The following SGF29 variants were observed in gnomAD, a reference collection of about 807,000 sequenced individuals.
The protein encoded by SGF29 is SAGA complex associated factor 29.
A neutral mutation model predicts 38.1 loss-of-function variants in SGF29; 15 were observed. The observed-to-expected ratio is 0.39, with a 90% CI of 0.26 to 0.61. The LOEUF is 0.61. Ranked by LOEUF, SGF29 falls within the 20% of genes least tolerant of loss-of-function variation. The pLI is 0.49. For synonymous variants in SGF29, 151 were observed against 160.8 expected (o/e 0.94, Z 0.46); for missense variants, 184 against 394.6 (o/e 0.47, Z 4.52).
chr16:28,581,675 ACAGGCACACACCAC>A (rs1177159473), intron 2 of SGF29, among the ~76,000 whole-genome samples: 2 of 151,964 alleles, frequency 1.3e-5, no homozygotes, highest in African/African-American at 4.8e-5. Context: ...AGCTGGGATT[ACAGGCACACACCAC>A]CATGTCCGGC....
In SGF29 at chr16:28,564,766, T is replaced by C. The variant is rs1363957659; in HGVS notation, c.-16+10669T>C. On this transcript the variant is annotated intron_variant, in intron 1 of 9. Coordinates refer to ENST00000317058, the MANE Select transcript of SGF29 (RefSeq NM_138414.3). ...ATATGTATATATATGTATATATGTA[T>C]ATATATGTATATATATATATACACA... is the stretch of plus-strand genomic sequence containing the variant. Among the ~76,000 whole-genome samples the C allele has an allele frequency of 6.7e-5, 4 of 59,794 alleles. 1 individual carries two copies. Among genetic ancestry groups the C allele is most frequent in the South Asian group, 8.3e-4 (2 of 2,412 alleles). The allele number at this position is 59,794 out of a possible 152,430, so 39.2% of individuals were successfully genotyped here.
chr16:28,572,964 C>T (rs1287337641), intron 1 of SGF29, among the ~76,000 whole-genome samples: 3 of 152,130 alleles, frequency 2.0e-5, no homozygotes, highest in Non-Finnish European at 2.9e-5. Context: ...GCTCGCTGGC[C>T]TCCCAGCTGT....
At chr16:28,583,351 T>C (rs992181621) in intron 2 of SGF29, among the ~76,000 whole-genome samples, 2 of 152,346 alleles carry the variant, frequency 1.3e-5, no homozygotes, top group African/African-American at 4.8e-5. Flanking sequence ...CTGGTCCAGA[T>C]TGCAGCGGCA....
rs2046827735 is a variant in SGF29, at chr16:28,564,943, C to G, written c.-16+10846C>G. On this transcript the variant is annotated intron_variant, in intron 1 of 9. Coordinates refer to ENST00000317058, the MANE Select transcript of SGF29 (RefSeq NM_138414.3). ...GCATAATTCAGTCCAAGTCTGCCAG[C>G]CTTAAAACCAGGGAAGCCAGCAGTG... 2.0e-5 allele frequency among the ~76,000 whole-genome samples: 3 copies of G among 151,268 alleles called. No homozygotes were observed. In the South Asian group the frequency reaches 6.2e-4, roughly 31 times the overall value.
chr16:28,554,341 A>G (rs1308148641), intron 1 of SGF29, among the ~76,000 whole-genome samples: 1 of 152,018 alleles, frequency 6.6e-6, no homozygotes, highest in East Asian at 1.9e-4. Context: ...GCGTGCTTCC[A>G]TCCCCGGCGA....
At chr16:28,571,250 A>C (rs145626222) in intron 1 of SGF29, among the ~76,000 whole-genome samples, 2 of 152,242 alleles carry the variant, frequency 1.3e-5, no homozygotes, top group African/African-American at 4.8e-5. Flanking sequence ...TGCCGAATCT[A>C]CTGGGGCCTG....
chr16:28,554,687 G>T (rs574430979), intron 1 of SGF29, among the ~76,000 whole-genome samples: 2 of 152,004 alleles, frequency 1.3e-5, no homozygotes, highest in Non-Finnish European at 2.9e-5. Context: ...CCTCGGCTCC[G>T]GTTTGCAGCC....
intron 1 of SGF29, among the ~76,000 whole-genome samples, chr16:28,558,336 G>A (rs947935504): frequency 1.3e-5 from 2 of 149,746 alleles, no homozygotes; most frequent in African/African-American, 4.9e-5. Flanking sequence ...GGCTGGTCTT[G>A]ACCTCTTGAC....
At chr16:28,555,314 A>G (rs879396043) in intron 1 of SGF29, among the ~76,000 whole-genome samples, 9 of 152,088 alleles carry the variant, frequency 5.9e-5, no homozygotes, top group Non-Finnish European at 1.3e-4. Context: ...AAAAAAAAAA[A>G]AAAATTAAAA....
intron 3 of SGF29, 106 bp from the exon 4 acceptor site, chr16:28,585,542 A>G (rs2046951624): frequency 2.0e-6 from 2 of 1,016,422 alleles, no homozygotes; most frequent in African/African-American, 1.6e-5. Context: ...GACTGCAGCT[A>G]CGGCCTCTCT....
chr16:28,565,722 C>A (rs962246052), intron 1 of SGF29, among the ~76,000 whole-genome samples: 1 of 151,650 alleles, frequency 6.6e-6, no homozygotes. Flanking sequence ...CTCCTGACCT[C>A]GTGATCCACC....
chr16:28,567,668 T>G (rs2046842715), intron 1 of SGF29, among the ~76,000 whole-genome samples: 1 of 152,172 alleles, frequency 6.6e-6, no homozygotes. Flanking sequence ...AGAGAAAGCC[T>G]CAGTCTTCTT....
chr16:28,556,164 C>CTATTTATT (rs201919458), intron 1 of SGF29, among the ~76,000 whole-genome samples: 1 of 151,878 alleles, frequency 6.6e-6, no homozygotes, highest in Non-Finnish European at 1.5e-5. Context: ...AATATAGATT[C>CTATTTATT]TATTTATTTA....
intron 2 of SGF29, among the ~76,000 whole-genome samples, chr16:28,581,810 T>G (rs139356180): frequency 0.038 from 5,677 of 149,626 alleles, 229 homozygotes; most frequent in East Asian, 0.22. Context: ...TCCCAGCTAC[T>G]GGGGAGGCTG....
At chr16:28,589,228 G>A in intron 5 of SGF29, 64 bp downstream of exon 5, 2 of 1,569,592 alleles carry the variant, frequency 1.3e-6, no homozygotes, top group Non-Finnish European at 1.8e-6. Context: ...CCTGCGGGCA[G>A]CAGTCACCCT....
At chr16:28,564,775 A>ATATATATG (rs2046825959) in intron 1 of SGF29, among the ~76,000 whole-genome samples, 1 of 47,484 alleles carries the variant, frequency 2.1e-5, no homozygotes, top group Non-Finnish European at 5.0e-5. Flanking sequence ...ATATATATGT[A>ATATATATG]TATATATATA....
intron 1 of SGF29, among the ~76,000 whole-genome samples, chr16:28,576,164 A>T (rs1410341128): frequency 1.4e-5 from 2 of 140,296 alleles, no homozygotes; most frequent in Admixed American, 1.4e-4. Context: ...TAAATACGTT[A>T]AAAAAAACAC....
chr16:28,579,152 T>C (rs564802192), intron 1 of SGF29, among the ~76,000 whole-genome samples: 1 of 152,196 alleles, frequency 6.6e-6, no homozygotes, highest in East Asian at 1.9e-4. Flanking sequence ...TATCCCCTTA[T>C]TTTATCAAAT....
In SGF29 at chr16:28,590,551, C is replaced by T. The variant is rs917031400; in HGVS notation, c.567-80C>T. 3 of 1,612,144 alleles carry T rather than the reference C, an allele frequency of 1.9e-6. No individual in the cohort carries two copies. Among genetic ancestry groups the T allele is most frequent in the South Asian group, 1.1e-5 (1 of 91,010 alleles). ...CCAGAGGCTGGTTGTGCAGGGAGCA[C>T]CAGGTCCTCCCCCATCCTCACTCCC... On this transcript the variant is annotated intron_variant, in intron 7 of 9. Transcript: ENST00000317058. This position sits in a 1 kb window ranked among gnomAD's most constrained non-coding sequence, Gnocchi z 8.2.
Sources: gnomAD v4.1 joint callset for allele counts (sites outside exome capture counted in the v4.1 genomes callset) on GRCh38, gnomAD v4.1.1 for gene constraint, Gnocchi (gnomAD v3.1) non-coding constraint, MANE v1.5 for transcripts, NCBI Gene and HGNC (gene_info 2026-07-23, HGNC 2026-07-21) for gene names.